Variants in PRKG1 observed in about 807,000 individuals in gnomAD.
The protein encoded by PRKG1 is protein kinase cGMP-dependent 1, also known as cGMP-dependent protein kinase 1.
In PRKG1, 35 loss-of-function variants were observed where a neutral mutation model predicts 88.1. The ratio of observed to expected loss-of-function variants is 0.40; its 90% CI spans 0.30 to 0.53. The LOEUF (loss-of-function observed/expected upper bound fraction) is 0.53. PRKG1 is among the 20% of genes least tolerant of loss of function. The pLI is 0.59. For missense variants in PRKG1, 540 were observed against 839.8 expected (o/e 0.64, Z 4.41); for synonymous variants, 303 against 292.5 (o/e 1.04, Z -0.37).
At chr10:52,060,025 A>C (rs917519844) in intron 6 of PRKG1, among the ~76,000 whole-genome samples, 6 of 151,874 alleles carry the variant, frequency 4.0e-5, no homozygotes, top group Admixed American at 3.9e-4. Context: ...GCTACAGTAG[A>C]TATCAAGACC....
At chr10:51,983,526 T>A (rs1387342929) in intron 5 of PRKG1, among the ~76,000 whole-genome samples, 1 of 152,184 alleles carries the variant, frequency 6.6e-6, no homozygotes, top group Admixed American at 6.5e-5. Flanking sequence ...GTGCTTAGAC[T>A]GGACCAGCCC....
chr10:51,335,112 A>G (rs1267493028), intron 2 of PRKG1, among the ~76,000 whole-genome samples: 2 of 141,970 alleles, frequency 1.4e-5, no homozygotes, highest in Admixed American at 7.7e-5. Flanking sequence ...TCCCAGGTTC[A>G]CGCCATTCTC....
intron 2 of PRKG1, chr10:51,299,723 T>G: frequency 2.5e-6 from 1 of 402,872 alleles, no homozygotes; most frequent in Non-Finnish European, 4.8e-6. Flanking sequence ...GCACATGTGT[T>G]TTTTCCTGGC....
intron 3 of PRKG1, among the ~76,000 whole-genome samples, chr10:51,632,734 G>T (rs926011786): frequency 6.6e-6 from 1 of 152,130 alleles, no homozygotes; most frequent in African/African-American, 2.4e-5. Flanking sequence ...GGTTCAGTTG[G>T]GGCCAGTTGT....
chr10:51,907,376 A>ATT lies in PRKG1; in HGVS notation c.699-119_699-118dup, dbSNP rs34697221. 4,374 of 533,014 alleles carry ATT rather than the reference A, an allele frequency of 8.2e-3. 6 individuals carry two copies. Among genetic ancestry groups the ATT allele is most frequent in the Non-Finnish European group, 0.01 (3,358 of 329,420 alleles). The allele number at this position is 533,014 out of a possible 1,614,324, so 33.0% of individuals were successfully genotyped here. A position where few individuals can be genotyped will look rare whatever the true frequency, so the allele number is the denominator to read the frequency against. ...TTTTTTCAGGTTGTGTGGCTAATGC[A>ATT]TTTTTTTTTTTTTGGCAGATTCCTT... On this transcript the variant is annotated intron_variant, in intron 4 of 17. Coordinates refer to ENST00000373980, the MANE Select transcript of PRKG1 (RefSeq NM_006258.4).
At chr10:51,825,816 C>G (rs570326849) in intron 4 of PRKG1, among the ~76,000 whole-genome samples, 1 of 152,100 alleles carries the variant, frequency 6.6e-6, no homozygotes, top group African/African-American at 2.4e-5. Context: ...GAACTGGAGA[C>G]AAGGGCAGAG....
intron 9 of PRKG1, 38 bp downstream of exon 9, chr10:52,162,001 A>G (rs1440614741): frequency 2.0e-6 from 3 of 1,528,238 alleles, no homozygotes. Flanking sequence ...TTGCAAAATG[A>G]TTTTGAATAG....
intron 3 of PRKG1, among the ~76,000 whole-genome samples, chr10:51,613,743 A>G (rs930923224): frequency 6.6e-6 from 1 of 151,758 alleles, no homozygotes; most frequent in African/African-American, 2.4e-5. Flanking sequence ...CATTAACCCA[A>G]TGGTCACTCA....
At chr10:51,697,156 C>G (rs1373401385) in intron 3 of PRKG1, 2 of 152,698 alleles carry the variant, frequency 1.3e-5, no homozygotes, top group Non-Finnish European at 2.9e-5. Flanking sequence ...CCTGTTAACT[C>G]TGTTTCAAAA....
chr10:52,149,101 G>A (rs894695560), intron 8 of PRKG1, among the ~76,000 whole-genome samples: 1 of 151,032 alleles, frequency 6.6e-6, no homozygotes, highest in South Asian at 2.1e-4. Context: ...AAAGATGAAA[G>A]CCTCTGTGAT....
intron 5 of PRKG1, among the ~76,000 whole-genome samples, chr10:52,027,976 G>A (rs907236314): frequency 1.3e-5 from 2 of 151,958 alleles, no homozygotes; most frequent in African/African-American, 2.4e-5. Context: ...TTCAGTAGAC[G>A]TGGGGTTTCA....
chr10:51,198,704 C>T (rs1034847405), intron 2 of PRKG1, among the ~76,000 whole-genome samples: 3 of 152,090 alleles, frequency 2.0e-5, no homozygotes, highest in Admixed American at 6.6e-5. Context: ...TTTCTTATGC[C>T]GTCAGTCTTT....
At chr10:51,307,429 C>T (rs191866138) in intron 2 of PRKG1, among the ~76,000 whole-genome samples, 29 of 152,244 alleles carry the variant, frequency 1.9e-4, no homozygotes, top group African/African-American at 6.0e-4. Flanking sequence ...TTTTCCAGAA[C>T]GTTTGCTACT....
At chr10:51,569,519 G>A (rs558049098) in intron 3 of PRKG1, among the ~76,000 whole-genome samples, 12 of 152,098 alleles carry the variant, frequency 7.9e-5, no homozygotes, top group Admixed American at 5.9e-4. Flanking sequence ...AATGCTTTGT[G>A]TACTAAGCAC....
intron 2 of PRKG1, among the ~76,000 whole-genome samples, chr10:51,406,879 T>A (rs1244036564): frequency 6.6e-6 from 1 of 152,178 alleles, no homozygotes; most frequent in Non-Finnish European, 1.5e-5. Context: ...ACTCACACGA[T>A]CAGAAGGTCC....
At chr10:52,286,826 T>C (rs954107260) in intron 14 of PRKG1, among the ~76,000 whole-genome samples, 1 of 151,922 alleles carries the variant, frequency 6.6e-6, no homozygotes, top group Non-Finnish European at 1.5e-5. Flanking sequence ...ATTTTACTCC[T>C]CAGTTTAGCT....
chr10:51,328,263 G>A (rs973900415), intron 2 of PRKG1, among the ~76,000 whole-genome samples: 4 of 152,088 alleles, frequency 2.6e-5, no homozygotes, highest in Non-Finnish European at 2.9e-5. Context: ...TTCACTTAAC[G>A]TGATGTCTTG....
intron 5 of PRKG1, among the ~76,000 whole-genome samples, chr10:51,951,294 G>A (rs1843178094): frequency 6.6e-6 from 1 of 152,104 alleles, no homozygotes; most frequent in African/African-American, 2.4e-5. Flanking sequence ...TGAAGTAGAA[G>A]GCCAAAAGAA....
At chr10:51,878,283 A>G (rs868309731) in intron 4 of PRKG1, among the ~76,000 whole-genome samples, 16 of 151,566 alleles carry the variant, frequency 1.1e-4, no homozygotes, top group Middle Eastern at 3.4e-3. Flanking sequence ...ACTGCTCACC[A>G]TTAAAGTATG....
Sources: allele counts gnomAD v4.1 joint callset (sites outside exome capture counted in the v4.1 genomes callset), GRCh38; gene constraint gnomAD v4.1.1; transcripts MANE v1.5; gene names NCBI Gene and HGNC (gene_info 2026-07-23, HGNC 2026-07-21).